CSMD1: variants seen among roughly 807,000 people sequenced by gnomAD.
The protein encoded by CSMD1 is CUB and sushi domain-containing protein 1.
A neutral mutation model predicts 417.5 loss-of-function variants in CSMD1; 213 were observed. That is an observed-to-expected ratio of 0.51 (90% confidence interval 0.46 to 0.57). CSMD1 has a LOEUF of 0.57. CSMD1 is among the 20% of genes least tolerant of loss of function. The pLI is 0.00. For missense variants in CSMD1, 6,923 were observed against 4,529.7 expected (o/e 1.53, Z -15.17); for synonymous variants, 2,862 against 1,736.8 (o/e 1.65, Z -16.11).
chr8:3,461,697 C>T (rs562187158), intron 12 of CSMD1, among the ~76,000 whole-genome samples: 1 of 152,332 alleles, frequency 6.6e-6, no homozygotes, highest in African/African-American at 2.4e-5. Flanking sequence ...ATCATCCTTG[C>T]AGGAGGACTG....
At chr8:4,002,456 G>C (rs756950852) in intron 4 of CSMD1, among the ~76,000 whole-genome samples, 24 of 152,054 alleles carry the variant, frequency 1.6e-4, no homozygotes, top group Non-Finnish European at 2.9e-4. Flanking sequence ...AAATCAGTTT[G>C]TTTCCTCTTA....
At chr8:3,800,217 T>G (rs78156585) in intron 5 of CSMD1, among the ~76,000 whole-genome samples, 1 of 152,138 alleles carries the variant, frequency 6.6e-6, no homozygotes, top group Non-Finnish European at 1.5e-5. Flanking sequence ...TTCAACAAAC[T>G]TATTGATGAT....
chr8:3,170,471 G>C (rs1389580327), intron 37 of CSMD1, among the ~76,000 whole-genome samples: 1 of 152,180 alleles, frequency 6.6e-6, no homozygotes, highest in African/African-American at 2.4e-5. Context: ...GCCTCCCAAA[G>C]TGCTGGGATT....
chr8:3,675,928 G>T (rs569822490), intron 7 of CSMD1, among the ~76,000 whole-genome samples: 1 of 152,152 alleles, frequency 6.6e-6, no homozygotes, highest in African/African-American at 2.4e-5. Flanking sequence ...CATCATTGGA[G>T]AGTAATGTAC....
rs542253002 is a variant in CSMD1 at position 4,653,940 on chromosome 8, A to G, written c.86-16382T>C. On this transcript the variant is annotated intron_variant, in intron 1 of 69. Transcript: ENST00000635120. The stretch of plus-strand genomic sequence containing the variant: ...TTTTTTAACCAAAGTATAATATCAC[A>G]GAGGATATTTTAGGATTGGATTGGT... 2.6e-5 allele frequency among the ~76,000 whole-genome samples: 4 copies of G among 152,224 alleles called. No homozygotes were observed. In the South Asian group the frequency reaches 6.2e-4, roughly 24 times the overall value.
intron 3 of CSMD1, among the ~76,000 whole-genome samples, chr8:4,256,763 T>G (rs1031498235): frequency 1.3e-5 from 2 of 152,138 alleles, no homozygotes; most frequent in African/African-American, 4.8e-5. Flanking sequence ...GGCAGTGCCC[T>G]GCTCTCAAGC....
intron 17 of CSMD1, among the ~76,000 whole-genome samples, chr8:3,389,968 G>A (rs1006710396): frequency 6.6e-6 from 1 of 152,144 alleles, no homozygotes; most frequent in Admixed American, 6.5e-5. Flanking sequence ...GAGGACTGTT[G>A]AGTGGTAGAA....
intron 3 of CSMD1, among the ~76,000 whole-genome samples, chr8:4,264,477 C>A (rs1221389539): frequency 6.6e-6 from 1 of 152,152 alleles, no homozygotes; most frequent in Non-Finnish European, 1.5e-5. Context: ...ACAATTCTCT[C>A]ATCGTTCTAG....
intron 2 of CSMD1, among the ~76,000 whole-genome samples, chr8:4,443,243 G>A (rs1012123537): frequency 6.6e-6 from 1 of 152,114 alleles, no homozygotes; most frequent in Non-Finnish European, 1.5e-5. Flanking sequence ...TTTTAAGATG[G>A]ATAATGTCAA....
At chr8:3,526,185 G>A (rs1328963637) in intron 10 of CSMD1, among the ~76,000 whole-genome samples, 1 of 152,034 alleles carries the variant, frequency 6.6e-6, no homozygotes, top group East Asian at 1.9e-4. Flanking sequence ...TCATATTTCT[G>A]ACATTTTCTC....
chr8:4,488,006 G>T (rs894987197), intron 2 of CSMD1, among the ~76,000 whole-genome samples: 23 of 152,140 alleles, frequency 1.5e-4, no homozygotes, highest in Non-Finnish European at 2.8e-4. Flanking sequence ...ATGCTATTAT[G>T]AGATGGGGCT....
intron 10 of CSMD1, among the ~76,000 whole-genome samples, chr8:3,548,064 T>A (rs1011116058): frequency 1.3e-5 from 2 of 152,164 alleles, no homozygotes; most frequent in Admixed American, 1.3e-4. Context: ...TAGGACAGTA[T>A]TTTGACCAAA....
intron 18 of CSMD1, among the ~76,000 whole-genome samples, chr8:3,387,023 TCTC>T (rs1163520142): frequency 6.6e-6 from 1 of 152,164 alleles, no homozygotes; most frequent in Non-Finnish European, 1.5e-5. Context: ...CTGCTGAAGA[TCTC>T]CTGACAGCTT....
intron 5 of CSMD1, among the ~76,000 whole-genome samples, chr8:3,958,963 T>A (rs1230059314): frequency 6.6e-6 from 1 of 152,212 alleles, no homozygotes; most frequent in African/African-American, 2.4e-5. Flanking sequence ...TGGCTTAGGA[T>A]CTGTGAGCTC....
At chr8:3,599,598 G>C (rs888123489) in intron 8 of CSMD1, among the ~76,000 whole-genome samples, 1 of 152,136 alleles carries the variant, frequency 6.6e-6, no homozygotes, top group Non-Finnish European at 1.5e-5. Flanking sequence ...ATACAGCATT[G>C]TTAATTAACC....
At chr8:3,967,529 C>A (rs2554502) in intron 5 of CSMD1, among the ~76,000 whole-genome samples, 82,742 of 151,718 alleles carry the variant, frequency 0.55, 22,807 homozygotes, top group East Asian at 0.79. Context: ...TTAAAGAGAA[C>A]TGAAATAAAT....
intron 5 of CSMD1, among the ~76,000 whole-genome samples, chr8:3,914,547 T>G (rs1274329838): frequency 6.6e-6 from 1 of 152,160 alleles, no homozygotes; most frequent in African/African-American, 2.4e-5. Context: ...TATCAATAGT[T>G]TCCACTGTTG....
At chr8:4,415,038 C>T (rs1346137240) in intron 3 of CSMD1, among the ~76,000 whole-genome samples, 1 of 152,166 alleles carries the variant, frequency 6.6e-6, no homozygotes, top group African/African-American at 2.4e-5. Flanking sequence ...TGCTATCCTT[C>T]GTTTCATAGT....
rs1002417275 is a variant in CSMD1, at chr8:3,928,088, A to C, written c.818+69815T>G. ...ACTTTATTCAAGGAGGCCTGAGTTT[A>C]TGAAAGTATAAAGGACATACAAAGG... On this transcript the variant is annotated intron_variant, in intron 5 of 69. Coordinates refer to ENST00000635120, the MANE Select transcript of CSMD1 (RefSeq NM_033225.6). 3.3e-5 allele frequency among the ~76,000 whole-genome samples: 5 copies of C among 152,184 alleles called. No homozygotes were observed. The South Asian group carries it at 1.0e-3, about 32-fold the overall frequency.
Sources: allele counts gnomAD v4.1 joint callset (sites outside exome capture counted in the v4.1 genomes callset), GRCh38; gene constraint gnomAD v4.1.1; transcripts MANE v1.5; gene names NCBI Gene and HGNC (gene_info 2026-07-23, HGNC 2026-07-21).